The following DOCK2 variants were observed in gnomAD, a reference collection of about 807,000 sequenced individuals.
The protein encoded by DOCK2 is dedicator of cytokinesis 2.
DOCK2 carries 87 observed loss-of-function variants against 248.9 expected under a neutral mutation model. The ratio of observed to expected loss-of-function variants is 0.35; its 90% CI spans 0.29 to 0.42. The LOEUF is 0.42. DOCK2 is among the 10% of genes least tolerant of loss of function. The probability of loss-of-function intolerance (pLI) is 1.00; values close to 1 mark genes in which losing one functional copy is unlikely to be tolerated. For synonymous variants in DOCK2, 805 were observed against 821.6 expected, an observed-to-expected ratio of 0.98 and a Z score of 0.35; for missense variants, 1,747 against 2,300.2, an observed-to-expected ratio of 0.76 and a Z score of 4.92.
At chr5:169,674,158 C>T in intron 5 of DOCK2, 139 bp from the exon 6 acceptor site, 3 of 942,796 alleles carry the variant, frequency 3.2e-6, no homozygotes, top group Non-Finnish European at 3.0e-6. Context: ...CCCACCTAAT[C>T]CTTTTGTAGT....
In DOCK2 at chr5:169,670,511, A is replaced by ATTTTATTTTG. The variant is rs1554086580; in HGVS notation, c.169-27_169-26insATTTTGTTTT. On this transcript the variant is annotated intron_variant, in intron 3 of 51. Transcript: ENST00000520908. ...CTGTGGTGATATATCTTTTTATTTT[A>ATTTTATTTTG]TTTTGTTTTGTTTTGTTTTGTTTCC... is the stretch of plus-strand genomic sequence containing the variant. 2.8e-5 allele frequency: 45 copies of ATTTTATTTTG among 1,605,620 alleles called. 1 individual carries two copies. The highest frequency in any genetic ancestry group is 3.3e-4 in the Middle Eastern group (2 of 6,046).
rs1218972365 is a variant in DOCK2 at position 169,745,296 on chromosome 5, A to G, written c.2268-2100A>G. 2.0e-5 allele frequency among the ~76,000 whole-genome samples: 3 copies of G among 152,048 alleles called. No homozygotes were observed. In the East Asian group the frequency reaches 5.8e-4, roughly 29 times the overall value. On this transcript the variant is annotated intron_variant, in intron 22 of 51. Coordinates refer to ENST00000520908, the MANE Select transcript of DOCK2 (RefSeq NM_004946.3). ...TTTGATGACATTTGGGCAAGTTTCA[A>G]CCTCTTGAGAGTTTTTCTGTTTCCT...
chr5:170,041,072 G>A lies in DOCK2; in HGVS notation c.3683G>A (p.Arg1228His), dbSNP rs139600790. The A allele has an allele frequency of 2.1e-5, 34 of 1,613,862 alleles. No homozygotes were observed. Among genetic ancestry groups the A allele is most frequent in the African/African-American group, 5.3e-5 (4 of 74,836 alleles). The change falls in exon 37 of 52, where the codon CGC becomes CAC. Residue 1228 changes from arginine to histidine, a missense_variant. Coordinates refer to ENST00000520908, the MANE Select transcript of DOCK2 (RefSeq NM_004946.3). ...TCAAACAGGTACCTGTACAAACTCC[G>A]CGATCTTCACCTGGACTGTGACAAT... Reference protein sequence around the residue: ...EMYIRYLYKLRDLHLDCDNYT... With the variant: ...EMYIRYLYKLHDLHLDCDNYT...
chr5:169,994,690 T>C (rs1778292097), intron 29 of DOCK2, among the ~76,000 whole-genome samples: 1 of 152,038 alleles, frequency 6.6e-6, no homozygotes, highest in East Asian at 1.9e-4. Flanking sequence ...TAGAGAGGGA[T>C]TTGGGAAATA....
intron 25 of DOCK2, among the ~76,000 whole-genome samples, chr5:169,788,153 T>C (rs1766104624): frequency 6.6e-6 from 1 of 152,196 alleles, no homozygotes; most frequent in Admixed American, 6.5e-5. Context: ...TTTTCTGCCT[T>C]TGAACCTTTC....
chr5:169,695,677 A>G (rs1418728390), intron 9 of DOCK2, 126 bp from the exon 10 acceptor site: 12 of 1,312,068 alleles, frequency 9.1e-6, no homozygotes, highest in South Asian at 7.1e-5. Context: ...GACTTATTGT[A>G]TGATTGGTCC....
intron 10 of DOCK2, among the ~76,000 whole-genome samples, chr5:169,697,964 AT>A (rs1760731390): frequency 6.6e-6 from 1 of 152,196 alleles, no homozygotes; most frequent in African/African-American, 2.4e-5. Context: ...AAGAGGGTGG[AT>A]ATTTCATGAG....
At chr5:169,971,240 A>G (rs1464084386) in intron 27 of DOCK2, among the ~76,000 whole-genome samples, 1 of 151,996 alleles carries the variant, frequency 6.6e-6, no homozygotes, top group Non-Finnish European at 1.5e-5. Context: ...CCAATGAATC[A>G]ATGAAGTATC....
At chr5:169,843,415 G>A (rs540352972) in intron 27 of DOCK2, among the ~76,000 whole-genome samples, 16 of 152,214 alleles carry the variant, frequency 1.1e-4, no homozygotes, top group African/African-American at 3.6e-4. Context: ...CCAGCTACTC[G>A]GGAGGCTGAG....
chr5:170,056,646 A>T (rs1025522363), intron 42 of DOCK2, 38 bp from the exon 43 acceptor site: 2 of 1,588,342 alleles, frequency 1.3e-6, no homozygotes, highest in African/African-American at 2.7e-5. Context: ...GCAGCCGGGG[A>T]TGGCTACCAG....
In DOCK2 at chr5:170,042,112, G is replaced by A; in HGVS notation, c.3856G>A (p.Gly1286Ser). Residue 1286 changes from glycine to serine, a missense_variant, in exon 38 of 52, where the codon GGC (glycine) becomes AGC (serine). Physicochemically the swap from Gly to Ser is moderately conservative, Grantham distance 56. This residue lies in a region of DOCK2 where 858 missense variants were observed against 1,183.5 expected (regional missense o/e 0.72). Transcript: ENST00000520908. ...GGAGACGCTCTACGAGACCATCATA[G>A]GCTACTTTGACAAAGGAAAGGTAAT... ...LKETLYETII[G>S]YFDKGKMWEE... The A allele has an allele frequency of 6.2e-7, 1 of 1,612,776 alleles. No homozygotes were observed. The highest frequency in any genetic ancestry group is 8.5e-7 in the Non-Finnish European group (1 of 1,179,306).
intron 36 of DOCK2, among the ~76,000 whole-genome samples, chr5:170,038,412 TTC>T (rs1220475574): frequency 6.6e-6 from 1 of 152,236 alleles, no homozygotes; most frequent in East Asian, 1.9e-4. Context: ...TGAAAATCTG[TTC>T]TGTTTGGCAG....
At chr5:170,024,210 A>G (rs1755825288) in intron 33 of DOCK2, among the ~76,000 whole-genome samples, 1 of 152,148 alleles carries the variant, frequency 6.6e-6, no homozygotes, top group Non-Finnish European at 1.5e-5. Context: ...TGGGGTAAGG[A>G]GTCAATGATG....
At chr5:169,755,915 C>G (rs111527735) in intron 23 of DOCK2, among the ~76,000 whole-genome samples, 3 of 152,100 alleles carry the variant, frequency 2.0e-5, no homozygotes, top group Non-Finnish European at 4.4e-5. Context: ...GTCACCTGCC[C>G]CAGTGTGTCA....
At chr5:169,794,245 C>T (rs920188877) in intron 25 of DOCK2, among the ~76,000 whole-genome samples, 8 of 152,064 alleles carry the variant, frequency 5.3e-5, no homozygotes, top group African/African-American at 1.4e-4. Flanking sequence ...CAAAAGTTAC[C>T]TTTTGTGAGG....
At chr5:169,840,219 G>C (rs1769864102) in intron 26 of DOCK2, among the ~76,000 whole-genome samples, 1 of 152,110 alleles carries the variant, frequency 6.6e-6, no homozygotes, top group African/African-American at 2.4e-5. Context: ...GCTGGAGGAA[G>C]AGAAAGAGGG....
At chr5:169,916,932 A>G (rs1170592071) in intron 27 of DOCK2, among the ~76,000 whole-genome samples, 2 of 152,198 alleles carry the variant, frequency 1.3e-5, no homozygotes, top group Non-Finnish European at 2.9e-5. Flanking sequence ...TTTAGCCACT[A>G]TGCTGTAAAG....
At chr5:169,903,039 A>T (rs1158780645) in intron 27 of DOCK2, among the ~76,000 whole-genome samples, 1 of 152,124 alleles carries the variant, frequency 6.6e-6, no homozygotes, top group South Asian at 2.1e-4. Context: ...TGGAGGTTGC[A>T]GTGAGCTGAG....
At chr5:170,071,557 A>AT (rs1757682940) in intron 46 of DOCK2, among the ~76,000 whole-genome samples, 1 of 152,236 alleles carries the variant, frequency 6.6e-6, no homozygotes, top group African/African-American at 2.4e-5. Context: ...AGATGTCTAT[A>AT]GTATGCTCTT....
Sources: gnomAD v4.1 joint callset for allele counts (sites outside exome capture counted in the v4.1 genomes callset) on GRCh38, gnomAD v4.1.1 for gene constraint, gnomAD v4.1.1 regional missense constraint, MANE v1.5 for transcripts, NCBI Gene and HGNC (gene_info 2026-07-23, HGNC 2026-07-21) for gene names.